SLC5A6: variants seen among roughly 807,000 people sequenced by gnomAD.
SLC5A6 encodes the protein solute carrier family 5 member 6, also known as sodium-dependent multivitamin transporter.
SLC5A6 carries 31 observed loss-of-function variants against 67.9 expected under a neutral mutation model. That is an observed-to-expected ratio of 0.46 (90% CI 0.34 to 0.62). The LOEUF is 0.62. SLC5A6 is among the 20% of genes least tolerant of loss of function. The pLI is 0.01. For missense variants in SLC5A6, 673 were observed against 812.8 expected, an observed-to-expected ratio of 0.83 and a Z score of 2.09; for synonymous variants, 343 against 331.0, an observed-to-expected ratio of 1.04 and a Z score of -0.39.
upstream of SLC5A6, chr2:27,212,381 G>C (rs773247722): frequency 3.9e-6 from 6 of 1,550,606 alleles, no homozygotes; most frequent in South Asian, 1.2e-5. Flanking sequence ...GGCGCCTCAC[G>C]ACCCGGGTAG....
intron 10 of SLC5A6, 64 bp downstream of exon 10, chr2:27,203,715 C>A: frequency 8.2e-7 from 1 of 1,212,366 alleles, no homozygotes; most frequent in South Asian, 1.2e-5. Context: ...CCGCTCCACC[C>A]ATCACCTTGT....
rs750112378 is a variant in SLC5A6, at chr2:27,207,284, G to A, written c.367C>T (p.Arg123Cys). Residue 123 changes from arginine (R) to cysteine (C), a missense_variant, in exon 3 of 17, where the codon CGC becomes TGC. Arg to Cys is a radical substitution (Grantham distance 180). Transcript: ENST00000310574. This position sits in a 1 kb window ranked among gnomAD's most constrained non-coding sequence, Gnocchi z 5.5. ...TCATAGGCACTGGTGAGATGCAGGC[G>A]GTAGAAAACGGGGATGAAGATGTGT... ...PAHIFIPVFYRLHLTSAYEYL... is the reference protein window; with the variant it reads ...PAHIFIPVFYCLHLTSAYEYL... 72 of 1,613,762 alleles carry A rather than the reference G, an allele frequency of 4.5e-5. No individual in the cohort carries two copies. The highest frequency in any genetic ancestry group is 1.6e-4 in the Middle Eastern group (1 of 6,084).
chr2:27,205,298 G>C, intron 7 of SLC5A6, 52 bp downstream of exon 7: 3 of 1,570,286 alleles, frequency 1.9e-6, no homozygotes, highest in South Asian at 2.2e-5. Flanking sequence ...CTCTAGGATG[G>C]GCTCAGCGCC....
At chr2:27,203,161 C>T in intron 11 of SLC5A6, 72 bp downstream of exon 11, 1 of 1,598,288 alleles carries the variant, frequency 6.3e-7, no homozygotes, top group Non-Finnish European at 8.5e-7. Flanking sequence ...TGTTTTACAG[C>T]AAACTGATGA....
upstream of SLC5A6, chr2:27,212,711 C>CT (rs934546786): frequency 5.6e-6 from 7 of 1,240,390 alleles, no homozygotes; most frequent in Admixed American, 3.5e-5. Flanking sequence ...TTTAGAATAA[C>CT]TTTAAGTTCT....
rs1673907262 is a variant in SLC5A6, at chr2:27,204,569, G to C, written c.897C>G (p.Pro299=). 1 of 1,614,130 alleles carries C rather than the reference G, an allele frequency of 6.2e-7. No homozygotes were observed. The highest frequency in any genetic ancestry group is 8.5e-7 in the Non-Finnish European group (1 of 1,179,998). ...CCACGCAGAGGGACACCTGCTGGAA[G>C]GGGAACACTGCATAACAGGAGCTGC... ...AAVLSCYAVF[P]FQQVSLCVGC... Residue 299 remains proline (P), a synonymous_variant, in exon 9 of 17, where the codon CCC becomes CCG. Coordinates refer to ENST00000310574, the MANE Select transcript of SLC5A6 (RefSeq NM_021095.4).
chr2:27,206,798 G>A lies in SLC5A6; in HGVS notation c.459+79C>T, dbSNP rs1674098927. 22 of 1,132,774 alleles carry A rather than the reference G, an allele frequency of 1.9e-5. No homozygotes were observed. In the South Asian group the frequency reaches 2.7e-4, roughly 14 times the overall value. 70.2% of individuals were successfully genotyped at this position (1,132,774 alleles called of 1,614,324 possible). ...ATCCTGCCAATCTGAGAGCAGGGGA[G>A]ACTCCAATTCCCTCAGCATGCTTGC... is the stretch of plus-strand genomic sequence containing the variant. On this transcript the variant is annotated intron_variant, in intron 4 of 16. Transcript: ENST00000310574.
upstream of SLC5A6, chr2:27,212,350 A>G (rs780717342): frequency 6.5e-6 from 10 of 1,550,030 alleles, no homozygotes; most frequent in South Asian, 1.2e-4. Flanking sequence ...CGAGCAGCGG[A>G]GCACCAAGGG....
At chr2:27,203,511 A>C (rs1342260489) in intron 10 of SLC5A6, among the ~76,000 whole-genome samples, 166 bp from the exon 11 acceptor site, 1 of 151,878 alleles carries the variant, frequency 6.6e-6, no homozygotes, top group African/African-American at 2.4e-5. Flanking sequence ...GAAGGCAAGG[A>C]CACAGTCCTT....
chr2:27,209,832 A>G (rs1674337502), intron 2 of SLC5A6, among the ~76,000 whole-genome samples: 1 of 152,170 alleles, frequency 6.6e-6, no homozygotes, highest in East Asian at 1.9e-4. Flanking sequence ...TGGGGCCAAT[A>G]AAGAGGGAAA....
Position 27,206,137 on chromosome 2 carries a change from C to T in SLC5A6, c.512-44G>A, listed in dbSNP as rs376809592. On this transcript the variant is annotated intron_variant, in intron 5 of 16. Coordinates refer to ENST00000310574, the MANE Select transcript of SLC5A6 (RefSeq NM_021095.4). ...CATTCTTATCCCTGGAAAAGGGTTC[C>T]CCAGGGGAGAAGCCCTGGTAGGGCA... The T allele has an allele frequency of 2.5e-6, 4 of 1,569,676 alleles. No homozygotes were observed. In the African/African-American group the frequency reaches 4.0e-5, roughly 16 times the overall value.
At position 27,205,376 on chromosome 2, in the gene SLC5A6, G is replaced by A. The variant is rs1316971916; in HGVS notation, c.708C>T (p.Ser236=). 1 of 1,614,104 alleles carries A rather than the reference G, an allele frequency of 6.2e-7. No homozygotes were observed. Among genetic ancestry groups the A allele is most frequent in the South Asian group, 1.1e-5 (1 of 91,084 alleles). ...GGLGRVWAVA[S]QHGRISGFEL... ...CAAACCCAGAGATGCGGCCGTGCTG[G>A]GAAGCCACGGCCCACACACGCCCCA... The change falls in exon 7 of 17, where the codon TCC becomes TCT. Residue 236 remains serine, a synonymous_variant. Coordinates refer to ENST00000310574, the MANE Select transcript of SLC5A6 (RefSeq NM_021095.4).
At chr2:27,211,963 G>C (rs1674551031) in intron 1 of SLC5A6, 57 bp downstream of exon 1, 1 of 423,346 alleles carries the variant, frequency 2.4e-6, no homozygotes, top group Non-Finnish European at 4.0e-6. Flanking sequence ...GAGCCCGCGG[G>C]GGCCCCGCCC....
At chr2:27,203,446 T>G in intron 10 of SLC5A6, 101 bp from the exon 11 acceptor site, 1 of 1,023,886 alleles carries the variant, frequency 9.8e-7, no homozygotes, top group Admixed American at 2.3e-5. Flanking sequence ...AGATGACAGG[T>G]ACCACCAAGA....
In SLC5A6 at chr2:27,206,859, T is replaced by C. The variant is rs757880174; in HGVS notation, c.459+18A>G. ...CCCAACATGCCCTAGGCTCGGTTTC[T>C]ATCCTCATTCTGCTTACCATCTGAA... is the stretch of plus-strand genomic sequence containing the variant. On this transcript the variant is annotated intron_variant, in intron 4 of 16. Transcript: ENST00000310574. 1 of 1,604,204 alleles carries C rather than the reference T, an allele frequency of 6.2e-7. No homozygotes were observed. Among genetic ancestry groups the C allele is most frequent in the Non-Finnish European group, 8.5e-7 (1 of 1,170,820 alleles).
Position 27,207,572 on chromosome 2 carries a change from T to C in SLC5A6, c.79A>G (p.Met27Val), listed in dbSNP as rs1553362340. The change falls in exon 3 of 17, where the codon ATG becomes GTG. Residue 27 changes from methionine (M) to valine (V), a missense_variant. Coordinates refer to ENST00000310574, the MANE Select transcript of SLC5A6 (RefSeq NM_021095.4). This position sits in a 1 kb window ranked among gnomAD's most constrained non-coding sequence, Gnocchi z 5.5. ...AGCAGGACGAACACCACATAGTCCATGATGGAGAAGGTAGACATGCCCACG... is the reference window on the plus strand; with the variant it reads ...AGCAGGACGAACACCACATAGTCCACGATGGAGAAGGTAGACATGCCCACG... ...TSVGMSTFSI[M>V]DYVVFVLLLV... 21 of 1,614,200 alleles carry C rather than the reference T, an allele frequency of 1.3e-5. No individual in the cohort carries two copies. Among genetic ancestry groups the C allele is most frequent in the Admixed American group, 1.7e-5 (1 of 60,026 alleles).
chr2:27,211,997 G>GCCCGCCCCCTGCCCGCCCCT, intron 1 of SLC5A6, 23 bp downstream of exon 1: 1 of 400,536 alleles, frequency 2.5e-6, no homozygotes, highest in Non-Finnish European at 4.1e-6. Flanking sequence ...TGCCCGCCCC[G>GCCCGCCCCCTGCCCGCCCCT]CTCGCCGTGC....
chr2:27,207,110 C>CT lies in SLC5A6; in HGVS notation c.393+147dup. 1 of 1,075,056 alleles carries CT rather than the reference C, an allele frequency of 9.3e-7. No homozygotes were observed. The highest frequency in any genetic ancestry group is 1.4e-6 in the Non-Finnish European group (1 of 718,700). 66.6% of individuals were successfully genotyped at this position (1,075,056 alleles called of 1,614,324 possible). On this transcript the variant is annotated intron_variant, in intron 3 of 16. Transcript: ENST00000310574. The surrounding 1 kb of genome is among the most constrained non-coding windows in gnomAD (Gnocchi z 5.5). ...AATCCTGCCCCTATACCTAACATCA[C>CT]TGAGAAAGAATTATAAACACACAAT...
upstream of SLC5A6, chr2:27,212,764 C>T (rs1161104263): frequency 1.3e-6 from 1 of 797,580 alleles, no homozygotes; most frequent in Non-Finnish European, 1.8e-6. Context: ...TCTCTCTACG[C>T]ACGAACGCCA....
Sources: allele counts gnomAD v4.1 joint callset (sites outside exome capture counted in the v4.1 genomes callset), GRCh38; gene constraint gnomAD v4.1.1; non-coding constraint Gnocchi (gnomAD v3.1); transcripts MANE v1.5; gene names NCBI Gene and HGNC (gene_info 2026-07-23, HGNC 2026-07-21).